LIMD2: variants seen among roughly 807,000 people sequenced by gnomAD.
The protein encoded by LIMD2 is LIM domain-containing protein 2.
A neutral mutation model predicts 16.0 loss-of-function variants in LIMD2; 11 were observed. The observed-to-expected ratio is 0.69, with a 90% confidence interval of 0.43 to 1.14. The LOEUF (loss-of-function observed/expected upper bound fraction) is 1.14, where lower values mean the gene tolerates loss of function less well. Among genes scored for constraint, LIMD2 ranks in the 50% most tolerant of loss-of-function variants. The probability of loss-of-function intolerance (pLI) is 0.00; values close to 1 mark genes in which losing one functional copy is unlikely to be tolerated. For missense variants in LIMD2, 168 were observed against 165.8 expected, an observed-to-expected ratio of 1.01 and a Z score of -0.07; for synonymous variants, 60 against 67.1, an observed-to-expected ratio of 0.89 and a Z score of 0.52.
intron 1 of LIMD2, chr17:63,699,814 AG>A (rs2035758402): frequency 3.3e-6 from 2 of 613,324 alleles, no homozygotes; most frequent in African/African-American, 4.2e-5. Context: ...TGGCCCCGCG[AG>A]GACCGGACCC....
intron 1 of LIMD2, 46 bp downstream of exon 1, chr17:63,699,986 T>C: frequency 3.1e-6 from 3 of 983,072 alleles, no homozygotes; most frequent in Non-Finnish European, 3.6e-6. Context: ...TCGGCGCCTC[T>C]CCCGGTTCCG....
Position 63,698,645 on chromosome 17 carries a change from C to A in LIMD2, c.291G>T (p.Lys97Asn). 5 of 1,613,918 alleles carry A rather than the reference C, an allele frequency of 3.1e-6. No individual in the cohort carries two copies. The highest frequency in any genetic ancestry group is 4.2e-6 in the Non-Finnish European group (5 of 1,180,040). Residue 97 changes from lysine to asparagine, a missense_variant, in exon 5 of 5, where the codon AAG (lysine) becomes AAT (asparagine). Lys to Asn is a moderately conservative substitution (Grantham distance 94). Transcript: ENST00000259006. ...YCKPHFQQLF[K>N]SKGNYDEGFG... ...ACCCCTCGTCGTAGTTGCCTTTGCT[C>A]TTAAACAGCTGCTGGAAGTGGGGTT...
Position 63,700,038 on chromosome 17 carries a change from C to T in LIMD2, c.-57G>A. 2.0e-6 allele frequency: 2 copies of T among 984,188 alleles called. No homozygotes were observed. Among genetic ancestry groups the T allele is most frequent in the Non-Finnish European group, 2.4e-6 (2 of 829,230 alleles). The allele number at this position is 984,188 out of a possible 1,614,324, so 61.0% of individuals were successfully genotyped here. A position where few individuals can be genotyped will look rare whatever the true frequency, so the allele number is the denominator to read the frequency against. ...CTCCCCCCGCGGCTCTCACCAGGCC[C>T]GGCCTGGGCCGCGGGGCGGGATCGG... is the stretch of plus-strand genomic sequence containing the variant. On this transcript the variant is annotated 5_prime_UTR_variant, in exon 1 of 5. Coordinates refer to ENST00000259006, the MANE Select transcript of LIMD2 (RefSeq NM_030576.4). This position sits in a 1 kb window ranked among gnomAD's most constrained non-coding sequence, Gnocchi z 7.1.
In LIMD2 at chr17:63,699,030, T is replaced by A. The variant is rs2035740885; in HGVS notation, c.82A>T (p.Lys28Ter). 1 of 1,608,484 alleles carries A rather than the reference T, an allele frequency of 6.2e-7. No individual in the cohort carries two copies. The highest frequency in any genetic ancestry group is 1.1e-5 in the South Asian group (1 of 90,752). The change falls in exon 3 of 5, where the codon AAG (lysine) becomes TAG (stop). Residue 28 changes from lysine (K) to a stop codon, truncating the protein, a stop_gained and splice_region_variant. Transcript: ENST00000259006. LOFTEE classifies it high-confidence loss of function. Reference protein sequence around the residue: ...GGGSSTVQRSKSFSLRAQVKE... With the variant: ...GGGSSTVQRS ...CACACCCGGCCCCAGGCCCCTACCT[T>A]GGAGCGCTGCACCGTGCTGCTGCCG...
chr17:63,699,161 A>G (rs1379564940), intron 2 of LIMD2, 92 bp from the exon 3 acceptor site: 10 of 1,582,770 alleles, frequency 6.3e-6, no homozygotes, highest in Non-Finnish European at 8.6e-6. Flanking sequence ...GGCGCGCCGC[A>G]GGGCACAAAG....
At position 63,696,819 on chromosome 17, in the gene LIMD2, A is replaced by C. The variant is rs1190291938; in HGVS notation, c.*1733T>G. ...TGCCCTGAGAGGCTCTGAGGCGCTC[A>C]CTTCACACTTGGGAGGATCCAGGCC... On this transcript the variant is annotated 3_prime_UTR_variant, in exon 5 of 5. Coordinates refer to ENST00000259006, the MANE Select transcript of LIMD2 (RefSeq NM_030576.4). 4 of 148,314 alleles carry C rather than the reference A, an allele frequency of 2.7e-5. No homozygotes were observed. The highest frequency in any genetic ancestry group is 4.5e-5 in the Non-Finnish European group (3 of 66,952). The allele number at this position is 148,314 out of a possible 1,614,324, so 9.2% of individuals were successfully genotyped here.
chr17:63,698,961 T>C (rs1036719205), intron 3 of LIMD2, 23 bp from the exon 4 acceptor site: 8 of 1,612,322 alleles, frequency 5.0e-6, no homozygotes, highest in Non-Finnish European at 6.8e-6. Flanking sequence ...CTCAGCCAGG[T>C]GCTGCCCCAG....
At position 63,698,707 on chromosome 17, in the gene LIMD2, CCAGGCTGCAGAAGCCAAACAACGGCGT is replaced by C; in HGVS notation, c.225-23_228del. On this transcript the variant is annotated splice_acceptor_variant and splice_polypyrimidine_tract_variant and coding_sequence_variant and intron_variant, in exon 5 of 5. Coordinates refer to ENST00000259006, the MANE Select transcript of LIMD2 (RefSeq NM_030576.4). LOFTEE classifies it high-confidence loss of function. Reference sequence around the variant, plus strand: ...TCCCCGTGCAGCGCGGCGTAGCTGCCCAGGCTGCAGAAGCCAAACAACGGCGTCAGGTCAGGTCAGGTCGGGGCTGGG... The same window carrying C: ...TCCCCGTGCAGCGCGGCGTAGCTGCCCAGGTCAGGTCAGGTCGGGGCTGGG... The C allele has an allele frequency of 6.2e-7, 1 of 1,613,426 alleles. No homozygotes were observed. Among genetic ancestry groups the C allele is most frequent in the Non-Finnish European group, 8.5e-7 (1 of 1,179,964 alleles).
At chr17:63,699,508 C>T in intron 1 of LIMD2, 160 bp from the exon 2 acceptor site, 1 of 632,938 alleles carries the variant, frequency 1.6e-6, no homozygotes, top group Non-Finnish European at 2.6e-6. Context: ...CACCCACCTC[C>T]CCCACCCCTG....
chr17:63,700,200 GCTCCGCCGCGCCCGGAGC>G (rs977986930), upstream of LIMD2: 10 of 975,078 alleles, frequency 1.0e-5, no homozygotes, highest in African/African-American at 1.8e-4. The surrounding 1 kb of genome is among the most constrained non-coding windows in gnomAD (Gnocchi z 7.1). Flanking sequence ...CCGCCCATTG[GCTCCGCCGCGCCCGGAGC>G]CGCCTTCGGG....
Position 63,696,589 on chromosome 17 carries a change from A to G in LIMD2, c.*1963T>C, listed in dbSNP as rs2035697088. Reference sequence around the variant, plus strand: ...TGGCCCTCACAACCTGAACGTCACCAGTGGCTGAGTTCCCGGAGCTTTCAT... The same window carrying G: ...TGGCCCTCACAACCTGAACGTCACCGGTGGCTGAGTTCCCGGAGCTTTCAT... On this transcript the variant is annotated 3_prime_UTR_variant, in exon 5 of 5. Transcript: ENST00000259006. 1.3e-5 allele frequency: 2 copies of G among 152,310 alleles called. No individual in the cohort carries two copies. The highest frequency in any genetic ancestry group is 2.9e-5 in the Non-Finnish European group (2 of 68,148). 9.4% of individuals were successfully genotyped at this position (152,310 alleles called of 1,614,324 possible).
chr17:63,699,878 G>C, intron 1 of LIMD2, 154 bp downstream of exon 1: 1 of 984,360 alleles, frequency 1.0e-6, no homozygotes, highest in Non-Finnish European at 1.2e-6. Context: ...GCCCAGCCGG[G>C]GGCCGGCCCT....
rs1401935467 is a variant in LIMD2, at chr17:63,698,768, C to A, written c.224+31G>T. Reference sequence around the variant, plus strand: ...GTCAGGTCGGGGCTGGGTTGGCAGGCGAGGCGGGGGCGGGCAGGGCAGGGG... The same window carrying A: ...GTCAGGTCGGGGCTGGGTTGGCAGGAGAGGCGGGGGCGGGCAGGGCAGGGG... On this transcript the variant is annotated intron_variant, in intron 4 of 4. Transcript: ENST00000259006. The A allele has an allele frequency of 3.2e-6, 5 of 1,551,450 alleles. No individual in the cohort carries two copies. In the Admixed American group the frequency reaches 5.2e-5, roughly 16 times the overall value.
At position 63,698,531 on chromosome 17, in the gene LIMD2, G is replaced by A; in HGVS notation, c.*21C>T. 1.2e-6 allele frequency: 2 copies of A among 1,611,800 alleles called. No individual in the cohort carries two copies. Among genetic ancestry groups the A allele is most frequent in the Non-Finnish European group, 1.7e-6 (2 of 1,179,282 alleles). On this transcript the variant is annotated 3_prime_UTR_variant, in exon 5 of 5. Coordinates refer to ENST00000259006, the MANE Select transcript of LIMD2 (RefSeq NM_030576.4). ...GCCGGCTCCAGGCCTTCCGCAGAGG[G>A]GGTGGAAGGTTACAGAGGCCTCAGG... is the stretch of plus-strand genomic sequence containing the variant.
intron 3 of LIMD2, 23 bp downstream of exon 3, chr17:63,699,005 C>T: frequency 6.2e-7 from 1 of 1,609,798 alleles, no homozygotes; most frequent in Non-Finnish European, 8.5e-7. Flanking sequence ...CCTCCTCCCG[C>T]ACACCCGGCC....
chr17:63,699,035 C>T lies in LIMD2; in HGVS notation c.77G>A (p.Arg26His), dbSNP rs778234120. 2.5e-6 allele frequency: 4 copies of T among 1,608,380 alleles called. No individual in the cohort carries two copies. Among genetic ancestry groups the T allele is most frequent in the Non-Finnish European group, 2.5e-6 (3 of 1,178,232 alleles). The part of the protein sequence containing the change: ...AKGGGSSTVQ[R>H]SKSFSLRAQV... ...CCGGCCCCAGGCCCCTACCTTGGAG[C>T]GCTGCACCGTGCTGCTGCCGCCGCC... Residue 26 changes from arginine (R) to histidine (H), a missense_variant, in exon 3 of 5, where the codon CGC becomes CAC. Physicochemically the swap from Arg to His is conservative, Grantham distance 29. Coordinates refer to ENST00000259006, the MANE Select transcript of LIMD2 (RefSeq NM_030576.4).
intron 1 of LIMD2, chr17:63,699,574 G>C: frequency 2.4e-6 from 1 of 424,520 alleles, no homozygotes; most frequent in East Asian, 4.5e-5. Flanking sequence ...CAAAGTTAGC[G>C]GGAGCGGAGG....
Position 63,699,628 on chromosome 17 carries a change from G to A in LIMD2, c.-50-280C>T. ...AGCCGCCGTGTGCGTCCCGCGGGCT[G>A]GGACCGCTTGGGGTGAGGGGAGGTC... On this transcript the variant is annotated intron_variant, in intron 1 of 4. Transcript: ENST00000259006. 3 of 309,312 alleles carry A rather than the reference G, an allele frequency of 9.7e-6. No individual in the cohort carries two copies. The South Asian group carries it at 1.6e-4, about 17-fold the overall frequency. The allele number at this position is 309,312 out of a possible 1,614,324, so 19.2% of individuals were successfully genotyped here. A position where few individuals can be genotyped will look rare whatever the true frequency, so the allele number is the denominator to read the frequency against.
chr17:63,699,091 G>A (rs1173335862), intron 2 of LIMD2, 22 bp from the exon 3 acceptor site: 2 of 1,595,204 alleles, frequency 1.3e-6, no homozygotes, highest in Non-Finnish European at 1.7e-6. Flanking sequence ...GGGCGGTCAG[G>A]GCAGGGGCAG....
Sources: gnomAD v4.1 joint callset for allele counts on GRCh38, gnomAD v4.1.1 for gene constraint, Gnocchi (gnomAD v3.1) non-coding constraint, MANE v1.5 for transcripts, NCBI Gene and HGNC (gene_info 2026-07-23, HGNC 2026-07-21) for gene names.